LARGE1: variants seen among roughly 807,000 people sequenced by gnomAD.
The protein encoded by LARGE1 is xylosyl- and glucuronyltransferase LARGE1.
In LARGE1, 43 loss-of-function variants were observed where a neutral mutation model predicts 87.6. The observed-to-expected ratio is 0.49, with a 90% CI of 0.38 to 0.63. The LOEUF is 0.63. Ranked by LOEUF, LARGE1 falls within the 30% of genes least tolerant of loss-of-function variation. LARGE1 has a pLI of 0.00. For synonymous variants in LARGE1, 434 were observed against 394.6 expected (o/e 1.10, Z -1.18); for missense variants, 802 against 1,000.2 (o/e 0.80, Z 2.67).
chr22:33,233,662 G>T (rs1436983504), intron 11 of LARGE1, among the ~76,000 whole-genome samples: 1 of 152,154 alleles, frequency 6.6e-6, no homozygotes, highest in Admixed American at 6.5e-5. Context: ...GTTGGTGAAA[G>T]TCCCTAAGAA....
intron 11 of LARGE1, among the ~76,000 whole-genome samples, chr22:33,259,926 A>G (rs893385385): frequency 1.3e-5 from 2 of 152,170 alleles, no homozygotes; most frequent in African/African-American, 4.8e-5. Flanking sequence ...TGGCCCTCCC[A>G]GGTCTGGCCA....
the LARGE1 span, among the ~76,000 whole-genome samples, chr22:33,135,857 C>CAAAAT: frequency 0.32 from 48,808 of 150,950 alleles, 8,054 homozygotes; most frequent in South Asian, 0.45. Context: ...AAAAATAAAA[C>CAAAAT]AAAATAAAAT....
At chr22:33,264,926 C>T (rs575224729) in intron 11 of LARGE1, among the ~76,000 whole-genome samples, 465 of 115,212 alleles carry the variant, frequency 4.0e-3, no homozygotes, top group Non-Finnish European at 6.1e-3. Context: ...GATGGAGTCT[C>T]GCTCTACTGC....
At chr22:33,475,174 T>C (rs1044143954) in intron 6 of LARGE1, among the ~76,000 whole-genome samples, 5 of 152,158 alleles carry the variant, frequency 3.3e-5, no homozygotes, top group Non-Finnish European at 5.9e-5. Context: ...TAATCCCATA[T>C]AGAAGATGAA....
chr22:33,208,720 C>T, intron 11 of LARGE1, among the ~76,000 whole-genome samples: 1 of 152,174 alleles, frequency 6.6e-6, no homozygotes. Context: ...TATCCCTGCC[C>T]TAACCCCCAC....
chr22:33,581,568 C>T (rs549001663), intron 5 of LARGE1, among the ~76,000 whole-genome samples: 1 of 152,068 alleles, frequency 6.6e-6, no homozygotes, highest in Non-Finnish European at 1.5e-5. Context: ...AATCCCAGCA[C>T]TTTGGGAGGC....
intron 6 of LARGE1, among the ~76,000 whole-genome samples, chr22:33,544,385 G>C (rs1345163466): frequency 6.6e-6 from 1 of 152,180 alleles, no homozygotes; most frequent in Non-Finnish European, 1.5e-5. Context: ...TTAGCAAATA[G>C]AGTGGAAAGA....
chr22:33,679,508 AGACTTGG>A (rs2081683075), intron 2 of LARGE1, among the ~76,000 whole-genome samples: 2 of 152,076 alleles, frequency 1.3e-5, no homozygotes, highest in Non-Finnish European at 2.9e-5. Context: ...TGCCTTGTGA[AGACTTGG>A]AGTCATGCTG....
intron 9 of LARGE1, among the ~76,000 whole-genome samples, chr22:33,367,584 T>C (rs1433098004): frequency 6.6e-6 from 1 of 151,918 alleles, no homozygotes; most frequent in Non-Finnish European, 1.5e-5. Flanking sequence ...CCCACTCCCA[T>C]CCCCCCATTT....
At chr22:33,582,186 T>C (rs755590656) in intron 5 of LARGE1, among the ~76,000 whole-genome samples, 2 of 152,142 alleles carry the variant, frequency 1.3e-5, no homozygotes, top group Non-Finnish European at 2.9e-5. Flanking sequence ...CTCAACATCC[T>C]CAGACAGGAC....
At chr22:33,521,465 G>A (rs1373090085) in intron 6 of LARGE1, among the ~76,000 whole-genome samples, 1 of 152,228 alleles carries the variant, frequency 6.6e-6, no homozygotes, top group Non-Finnish European at 1.5e-5. Context: ...GTTCACAACA[G>A]GGCAGACAGG....
chr22:33,348,970 A>G (rs1940091496), intron 9 of LARGE1, among the ~76,000 whole-genome samples: 2 of 152,268 alleles, frequency 1.3e-5, no homozygotes, highest in South Asian at 4.2e-4. Context: ...TTCCCTGCAC[A>G]TGCCCTCTTG....
At chr22:33,195,661 T>C (rs1011342204) in intron 11 of LARGE1, among the ~76,000 whole-genome samples, 1 of 151,830 alleles carries the variant, frequency 6.6e-6, no homozygotes, top group Non-Finnish European at 1.5e-5. Flanking sequence ...ATCTAGATGA[T>C]ACAGCTAAGG....
In LARGE1 at chr22:33,389,488, G is replaced by A. The variant is rs185451371; in HGVS notation, c.893-5184C>T. ...CACAGTGGTTGGGAAGTCCTACTGAGGACAACTGAAAGCCAGACAAGGATG... is the reference window on the plus strand; with the variant it reads ...CACAGTGGTTGGGAAGTCCTACTGAAGACAACTGAAAGCCAGACAAGGATG... On this transcript the variant is annotated intron_variant, in intron 7 of 14. Coordinates refer to ENST00000397394, the MANE Select transcript of LARGE1 (RefSeq NM_133642.5). Among the ~76,000 whole-genome samples, 243 of 152,298 alleles carry A rather than the reference G, an allele frequency of 1.6e-3. 1 individual carries two copies. The highest frequency in any genetic ancestry group is 4.4e-4 in the Non-Finnish European group (30 of 68,026).
At chr22:33,819,621 C>A (rs750747803) in intron 1 of LARGE1, among the ~76,000 whole-genome samples, 1 of 152,104 alleles carries the variant, frequency 6.6e-6, no homozygotes, top group Admixed American at 6.6e-5. Flanking sequence ...AATTAAGTTA[C>A]CTTTATTAAT....
rs11330217 is a variant in LARGE1, at chr22:33,364,059, ATT to A, written c.1131+17858_1131+17859del. ...TGGTCAAAGTGCATCTTTGCTATAT[ATT>A]TTTTTTTTTTTGAGACGGAGTCTCG... On this transcript the variant is annotated intron_variant, in intron 9 of 14. Coordinates refer to ENST00000397394, the MANE Select transcript of LARGE1 (RefSeq NM_133642.5). 9.3e-5 allele frequency among the ~76,000 whole-genome samples: 13 copies of A among 140,292 alleles called. 1 individual carries two copies. The highest frequency in any genetic ancestry group is 2.8e-4 in the African/African-American group (11 of 38,806). The allele number at this position is 140,292 out of a possible 152,430, so 92.0% of individuals were successfully genotyped here.
intron 2 of LARGE1, among the ~76,000 whole-genome samples, chr22:33,756,962 G>C (rs138362473): frequency 6.6e-6 from 1 of 152,152 alleles, no homozygotes; most frequent in Non-Finnish European, 1.5e-5. Context: ...GGGCCTGAAC[G>C]GCGTAGAGCT....
chr22:33,576,729 G>C (rs1252950430), intron 5 of LARGE1, among the ~76,000 whole-genome samples: 1 of 152,092 alleles, frequency 6.6e-6, no homozygotes, highest in Non-Finnish European at 1.5e-5. Context: ...AGGTGCACAA[G>C]TCCCCTGATG....
chr22:33,920,205 T>C lies in LARGE1; in HGVS notation c.-293A>G. 6.6e-6 allele frequency: 1 copy of C among 152,650 alleles called. No homozygotes were observed. The highest frequency in any genetic ancestry group is 1.5e-5 in the Non-Finnish European group (1 of 68,550). The allele number at this position is 152,650 out of a possible 1,614,324, so 9.5% of individuals were successfully genotyped here. A position where few individuals can be genotyped will look rare whatever the true frequency, so the allele number is the denominator to read the frequency against. The stretch of plus-strand genomic sequence containing the variant: ...GGTCCCCCAAGCTGAGCACTGTCCC[T>C]TCTTCCTCTTCCTCCGGGGCCGCTG... On this transcript the variant is annotated 5_prime_UTR_variant, in exon 1 of 15. Coordinates refer to ENST00000397394, the MANE Select transcript of LARGE1 (RefSeq NM_133642.5).
Sources: gnomAD v4.1 joint callset for allele counts (sites outside exome capture counted in the v4.1 genomes callset) on GRCh38, gnomAD v4.1.1 for gene constraint, MANE v1.5 for transcripts, NCBI Gene and HGNC (gene_info 2026-07-23, HGNC 2026-07-21) for gene names.